GRM7: variants seen among roughly 807,000 people sequenced by gnomAD.
GRM7 encodes metabotropic glutamate receptor 7.
In GRM7, 35 loss-of-function variants were observed where a neutral mutation model predicts 84.5. The observed-to-expected ratio is 0.41, with a 90% CI of 0.32 to 0.55. The LOEUF (loss-of-function observed/expected upper bound fraction) is 0.55, where lower values mean the gene tolerates loss of function less well. GRM7 is among the 20% of genes least tolerant of loss of function. The probability of loss-of-function intolerance (pLI) is 0.19; values close to 1 mark genes in which losing one functional copy is unlikely to be tolerated. For missense variants in GRM7, 1,003 were observed against 1,194.6 expected, an observed-to-expected ratio of 0.84 and a Z score of 2.36; for synonymous variants, 487 against 455.1, an observed-to-expected ratio of 1.07 and a Z score of -0.89.
intron 3 of GRM7, among the ~76,000 whole-genome samples, chr3:7,304,037 A>G (rs1330029303): frequency 6.6e-6 from 1 of 151,902 alleles, no homozygotes; most frequent in Non-Finnish European, 1.5e-5. Context: ...TAGGGTGGTA[A>G]TGTGCGGCCT....
rs572931459 is a variant in GRM7, at chr3:7,440,506, TTTTAA to T, written c.1175-12097_1175-12093del. On this transcript the variant is annotated intron_variant, in intron 5 of 9. Coordinates refer to ENST00000357716, the MANE Select transcript of GRM7 (RefSeq NM_000844.4). The stretch of plus-strand genomic sequence containing the variant: ...ATGGAGTGAAATCATGGCTTTTTAA[TTTTAA>T]TTTGAGTTTAGTTTCAAGAGTACAT... 1.7e-3 allele frequency among the ~76,000 whole-genome samples: 266 copies of T among 152,294 alleles called. 1 individual carries two copies. Among genetic ancestry groups the T allele is most frequent in the Middle Eastern group, 6.8e-3 (2 of 294 alleles).
intron 1 of GRM7, among the ~76,000 whole-genome samples, chr3:7,012,649 C>T (rs1695415662): frequency 6.6e-6 from 1 of 152,110 alleles, no homozygotes; most frequent in African/African-American, 2.4e-5. Context: ...GGTGCCTTCC[C>T]ATAGAAAAGG....
chr3:7,140,186 C>A (rs1693902136), intron 1 of GRM7, among the ~76,000 whole-genome samples: 1 of 151,788 alleles, frequency 6.6e-6, no homozygotes. Flanking sequence ...GAAGGTCCCC[C>A]TTGAATAGGT....
intron 5 of GRM7, among the ~76,000 whole-genome samples, chr3:7,449,832 C>G (rs1697693550): frequency 6.6e-6 from 1 of 152,016 alleles, no homozygotes; most frequent in African/African-American, 2.4e-5. Context: ...AAATATTTAA[C>G]TTAAAAAATT....
At chr3:7,035,099 C>A (rs758500854) in intron 1 of GRM7, among the ~76,000 whole-genome samples, 10 of 152,084 alleles carry the variant, frequency 6.6e-5, no homozygotes, top group Non-Finnish European at 1.3e-4. Flanking sequence ...CTCTTTGGGA[C>A]TAAGCAGCTG....
chr3:7,086,152 G>C (rs1036160086), intron 1 of GRM7, among the ~76,000 whole-genome samples: 2 of 152,114 alleles, frequency 1.3e-5, no homozygotes, highest in Non-Finnish European at 2.9e-5. Context: ...TCACTGGATT[G>C]ATTCTAGTTA....
chr3:7,387,362 C>G (rs1694825114), intron 4 of GRM7, among the ~76,000 whole-genome samples: 1 of 152,142 alleles, frequency 6.6e-6, no homozygotes, highest in African/African-American at 2.4e-5. Flanking sequence ...GAATTCTTGG[C>G]CTAGGCCAAT....
intron 5 of GRM7, among the ~76,000 whole-genome samples, chr3:7,418,664 C>G (rs1696271553): frequency 6.6e-6 from 1 of 152,080 alleles, no homozygotes; most frequent in Non-Finnish European, 1.5e-5. Context: ...AGTATGACCT[C>G]TTTGGGAATA....
intron 2 of GRM7, among the ~76,000 whole-genome samples, chr3:7,272,386 C>T (rs1698898883): frequency 6.6e-6 from 1 of 152,050 alleles, no homozygotes; most frequent in African/African-American, 2.4e-5. Context: ...GAGTATGTGT[C>T]ATGAGTTAAT....
chr3:7,301,402 G>C (rs1699995710), intron 3 of GRM7, among the ~76,000 whole-genome samples: 1 of 152,030 alleles, frequency 6.6e-6, no homozygotes, highest in Non-Finnish European at 1.5e-5. Context: ...AAAAATATCT[G>C]CTAATACCCT....
At chr3:7,179,952 C>T (rs904853859) in intron 2 of GRM7, among the ~76,000 whole-genome samples, 12 of 152,154 alleles carry the variant, frequency 7.9e-5, no homozygotes, top group Non-Finnish European at 1.6e-4. Flanking sequence ...ATTAGCGTAT[C>T]AGTGACCTTA....
intron 8 of GRM7, among the ~76,000 whole-genome samples, chr3:7,635,785 T>C (rs1454351368): frequency 6.6e-6 from 1 of 152,180 alleles, no homozygotes; most frequent in Non-Finnish European, 1.5e-5. Context: ...GCGATCTTCC[T>C]GCCTCACCTT....
Position 7,197,615 on chromosome 3 carries a change from C to A in GRM7, c.736+50947C>A, listed in dbSNP as rs955400813. On this transcript the variant is annotated intron_variant, in intron 2 of 9. Coordinates refer to ENST00000357716, the MANE Select transcript of GRM7 (RefSeq NM_000844.4). ...TCTACTCCCTCTAGCTTACTTTTTT[C>A]TAGTCAGTTTGTGTTTTAGAGAGCT... Among the ~76,000 whole-genome samples, 11 of 151,936 alleles carry A rather than the reference C, an allele frequency of 7.2e-5. 1 individual carries two copies. The highest frequency in any genetic ancestry group is 7.2e-4 in the Admixed American group (11 of 15,248).
At chr3:7,476,048 A>G (rs1179030494) in intron 7 of GRM7, among the ~76,000 whole-genome samples, 1 of 152,136 alleles carries the variant, frequency 6.6e-6, no homozygotes, top group Non-Finnish European at 1.5e-5. Context: ...GTGTAGACTG[A>G]CACTTATTTC....
At chr3:7,163,529 G>C (rs1412130836) in intron 2 of GRM7, among the ~76,000 whole-genome samples, 2 of 152,210 alleles carry the variant, frequency 1.3e-5, no homozygotes, top group Non-Finnish European at 2.9e-5. Flanking sequence ...ATAGTGAGTA[G>C]TTTGTATCCT....
chr3:7,099,122 GA>G (rs1434075579), intron 1 of GRM7, among the ~76,000 whole-genome samples: 1 of 151,178 alleles, frequency 6.6e-6, no homozygotes, highest in African/African-American at 2.4e-5. Flanking sequence ...ATCAATGATT[GA>G]ATGAATGCAC....
At chr3:7,345,591 C>G (rs1345473651) in intron 4 of GRM7, among the ~76,000 whole-genome samples, 1 of 152,066 alleles carries the variant, frequency 6.6e-6, no homozygotes, top group Non-Finnish European at 1.5e-5. Context: ...GCCCTCTTAA[C>G]AATTATTCTG....
At chr3:7,636,125 G>A (rs1021418951) in intron 8 of GRM7, 1 of 422,968 alleles carries the variant, frequency 2.4e-6, no homozygotes, top group East Asian at 7.2e-5. Flanking sequence ...CTACCTAGAG[G>A]TTGTTCATTT....
intron 1 of GRM7, among the ~76,000 whole-genome samples, chr3:7,143,720 T>C (rs773231802): frequency 6.6e-6 from 1 of 152,162 alleles, no homozygotes; most frequent in Admixed American, 6.6e-5. Flanking sequence ...GAGGGCTGGA[T>C]GTATCTTTAT....
Sources: gnomAD v4.1 joint callset for allele counts (sites outside exome capture counted in the v4.1 genomes callset) on GRCh38, gnomAD v4.1.1 for gene constraint, MANE v1.5 for transcripts, NCBI Gene and HGNC (gene_info 2026-07-23, HGNC 2026-07-21) for gene names.